The following EZR variants were observed in gnomAD, a reference collection of about 807,000 sequenced individuals.
EZR encodes the protein cytovillin 2.
A neutral mutation model predicts 74.8 loss-of-function variants in EZR; 40 were observed. The ratio of observed to expected loss-of-function variants is 0.53; its 90% CI spans 0.42 to 0.70. The LOEUF is 0.70. Among genes scored for constraint, EZR ranks in the 30% least tolerant of loss-of-function variants. EZR has a pLI of 0.00. For missense variants in EZR, 678 were observed against 755.8 expected, an observed-to-expected ratio of 0.90 and a Z score of 1.21; for synonymous variants, 341 against 283.3, an observed-to-expected ratio of 1.20 and a Z score of -2.05.
At chr6:158,768,704 T>G (rs533209867) in intron 12 of EZR, among the ~76,000 whole-genome samples, 27 of 152,318 alleles carry the variant, frequency 1.8e-4, no homozygotes, top group African/African-American at 6.3e-4. Context: ...GAGCTACAGC[T>G]GACTAAACCT....
In EZR at chr6:158,766,878, A is replaced by T. The variant is rs754359350; in HGVS notation, c.*36T>A. ...CGTGGCGGGGCTGGCAGCGCCCGCTATGAGCACCCCTCTGCCCTTGGTCCT... is the reference window on the plus strand; with the variant it reads ...CGTGGCGGGGCTGGCAGCGCCCGCTTTGAGCACCCCTCTGCCCTTGGTCCT... On this transcript the variant is annotated 3_prime_UTR_variant, in exon 14 of 14. Coordinates refer to ENST00000367075, the MANE Select transcript of EZR (RefSeq NM_001111077.2). 1.9e-6 allele frequency: 3 copies of T among 1,594,074 alleles called. No homozygotes were observed. Among genetic ancestry groups the T allele is most frequent in the Non-Finnish European group, 2.6e-6 (3 of 1,165,858 alleles).
intron 2 of EZR, among the ~76,000 whole-genome samples, chr6:158,807,844 TTTTA>T (rs1303694179): frequency 6.6e-6 from 1 of 152,158 alleles, no homozygotes; most frequent in African/African-American, 2.4e-5. Flanking sequence ...AGAAAGCCCA[TTTTA>T]TTTAGTCAGA....
At chr6:158,785,062 C>T (rs1464628896) in intron 5 of EZR, among the ~76,000 whole-genome samples, 3 of 152,226 alleles carry the variant, frequency 2.0e-5, no homozygotes, top group Non-Finnish European at 4.4e-5. Context: ...GCTGAGCAGT[C>T]AGGTCGAGAA....
At chr6:158,780,552 GCTC>G (rs1796537201) in intron 7 of EZR, among the ~76,000 whole-genome samples, 1 of 152,158 alleles carries the variant, frequency 6.6e-6, no homozygotes, top group Admixed American at 6.5e-5. Flanking sequence ...ATGTTCTGTG[GCTC>G]CTGTTTCAGT....
chr6:158,779,904 C>T (rs1461297951), intron 7 of EZR, among the ~76,000 whole-genome samples: 14 of 127,872 alleles, frequency 1.1e-4, no homozygotes, highest in Admixed American at 1.0e-3. Flanking sequence ...CAAGAATGGG[C>T]CAGGCATGGT....
At chr6:158,769,534 G>T in intron 11 of EZR, 116 bp from the exon 12 acceptor site, 1 of 1,107,464 alleles carries the variant, frequency 9.0e-7, no homozygotes. Context: ...CTGAGTCCCC[G>T]CCACCCCCAC....
intron 8 of EZR, among the ~76,000 whole-genome samples, chr6:158,771,996 G>A (rs982320582): frequency 3.3e-5 from 5 of 152,092 alleles, no homozygotes; most frequent in African/African-American, 9.7e-5. Context: ...GGAGCTCCAG[G>A]ATGAGCTCCA....
chr6:158,798,917 C>T (rs1777131891), intron 2 of EZR, among the ~76,000 whole-genome samples: 1 of 152,208 alleles, frequency 6.6e-6, no homozygotes, highest in Non-Finnish European at 1.5e-5. Flanking sequence ...GTGTAAGCCA[C>T]TGCTCCACAT....
intron 12 of EZR, among the ~76,000 whole-genome samples, chr6:158,768,128 G>C (rs1790968554): frequency 6.6e-6 from 1 of 151,960 alleles, no homozygotes; most frequent in East Asian, 1.9e-4. Flanking sequence ...TACCTGGTGG[G>C]AGGTGACTGG....
At chr6:158,769,504 A>C in intron 11 of EZR, 86 bp from the exon 12 acceptor site, 1 of 1,376,732 alleles carries the variant, frequency 7.3e-7, no homozygotes, top group Non-Finnish European at 1.0e-6. Context: ...TGTGTTGGCA[A>C]GCAGTCTCCA....
chr6:158,805,644 A>G (rs980580886), intron 2 of EZR, among the ~76,000 whole-genome samples: 1 of 152,234 alleles, frequency 6.6e-6, no homozygotes, highest in African/African-American at 2.4e-5. Context: ...ATTTGCTTAA[A>G]TAAGCAAACC....
intron 6 of EZR, among the ~76,000 whole-genome samples, chr6:158,784,171 A>G (rs1791503900): frequency 6.6e-6 from 1 of 152,212 alleles, no homozygotes; most frequent in African/African-American, 2.4e-5. Context: ...CTAGGACGAG[A>G]ACACCCAGAA....
chr6:158,772,313 C>A (rs1201269347), intron 8 of EZR, among the ~76,000 whole-genome samples: 8 of 152,278 alleles, frequency 5.3e-5, no homozygotes, highest in Admixed American at 5.2e-4. Context: ...GCGAGCTCCA[C>A]AGCCTTGAGC....
chr6:158,800,919 C>A (rs1442969654), intron 2 of EZR, among the ~76,000 whole-genome samples: 1 of 152,136 alleles, frequency 6.6e-6, no homozygotes, highest in African/African-American at 2.4e-5. Flanking sequence ...TAAATTATAC[C>A]TGATTATTTT....
chr6:158,766,818 G>GGGAGTTCC lies in EZR; in HGVS notation c.*88_*95dup, dbSNP rs1354321585. 8 of 1,200,988 alleles carry GGGAGTTCC rather than the reference G, an allele frequency of 6.7e-6. No individual in the cohort carries two copies. The Admixed American group carries it at 1.7e-4, about 26-fold the overall frequency. 74.4% of individuals were successfully genotyped at this position (1,200,988 alleles called of 1,614,324 possible). The stretch of plus-strand genomic sequence containing the variant: ...GCTTTCTAAAGGAACTGGGATCTGA[G>GGGAGTTCC]GGAGTTCCTAGACTTGGAGCACTAA... On this transcript the variant is annotated 3_prime_UTR_variant, in exon 14 of 14. Transcript: ENST00000367075.
chr6:158,805,002 G>C (rs1028864343), intron 2 of EZR, among the ~76,000 whole-genome samples: 1 of 146,364 alleles, frequency 6.8e-6, no homozygotes, highest in African/African-American at 2.6e-5. Context: ...CTATGAGTGA[G>C]AATATGCGGT....
At chr6:158,817,940 G>A (rs769116799) in intron 2 of EZR, 142 bp downstream of exon 2, 1 of 694,226 alleles carries the variant, frequency 1.4e-6, no homozygotes. Context: ...AAAGAGCGGC[G>A]AAAACCTCCT....
At chr6:158,774,681 AC>A (rs1791217953) in intron 8 of EZR, among the ~76,000 whole-genome samples, 1 of 45,100 alleles carries the variant, frequency 2.2e-5, no homozygotes, top group African/African-American at 7.5e-5. Context: ...AAACACACAC[AC>A]ACACACACAC....
chr6:158,782,004 C>T (rs1294448651), intron 7 of EZR, among the ~76,000 whole-genome samples: 1 of 152,128 alleles, frequency 6.6e-6, no homozygotes, highest in East Asian at 1.9e-4. Flanking sequence ...AGGGATTCGC[C>T]TGCCTCGGCC....
Sources: gnomAD v4.1 joint callset for allele counts (sites outside exome capture counted in the v4.1 genomes callset) on GRCh38, gnomAD v4.1.1 for gene constraint, MANE v1.5 for transcripts, NCBI Gene and HGNC (gene_info 2026-07-23, HGNC 2026-07-21) for gene names.